Variants in NRIP1 observed in about 807,000 individuals in gnomAD.
NRIP1 encodes nuclear receptor-interacting protein 1.
NRIP1 carries 28 observed loss-of-function variants against 75.0 expected under a neutral mutation model. That is an observed-to-expected ratio of 0.37 (90% CI 0.28 to 0.51). NRIP1 has a LOEUF of 0.51. Among genes scored for constraint, NRIP1 ranks in the 20% least tolerant of loss-of-function variants. NRIP1 has a pLI of 0.92. For missense variants in NRIP1, 1,435 were observed against 1,343.7 expected (o/e 1.07, Z -1.06); for synonymous variants, 526 against 487.6 (o/e 1.08, Z -1.04).
At chr21:15,027,609 C>T (rs2088551534) in intron 2 of NRIP1, among the ~76,000 whole-genome samples, 1 of 152,184 alleles carries the variant, frequency 6.6e-6, no homozygotes, top group Non-Finnish European at 1.5e-5. Context: ...TCTACCACCA[C>T]TTTGGTCTCA....
intron 3 of NRIP1, among the ~76,000 whole-genome samples, chr21:14,970,056 A>C (rs767035262): frequency 3.3e-5 from 5 of 152,166 alleles, no homozygotes; most frequent in Admixed American, 6.5e-5. Context: ...TAAAACCCTG[A>C]CTTGTTTTTC....
At chr21:15,046,813 T>C (rs180998295) in intron 1 of NRIP1, among the ~76,000 whole-genome samples, 40 of 152,346 alleles carry the variant, frequency 2.6e-4, no homozygotes, top group African/African-American at 8.4e-4. Context: ...ACCTGCTTCA[T>C]CGTGCACTTT....
chr21:15,059,357 G>A (rs2089374993), intron 1 of NRIP1, among the ~76,000 whole-genome samples: 1 of 152,254 alleles, frequency 6.6e-6, no homozygotes, highest in East Asian at 1.9e-4. Context: ...ATTCCCTGAG[G>A]TGTAAGAAAT....
In NRIP1 at chr21:14,966,526, A is replaced by G; in HGVS notation, c.1667T>C (p.Leu556Ser). 6.2e-7 allele frequency: 1 copy of G among 1,614,090 alleles called. No homozygotes were observed. The highest frequency in any genetic ancestry group is 8.5e-7 in the Non-Finnish European group (1 of 1,179,976). ...AGACCCTGCTTTGCTTGATGTAAGT[A>G]AAGGTGGAGTGCTCACTGGAGTAGT... ...NRTTPVSTPP[L>S]LTSSKAGSPI... Residue 556 changes from leucine (L) to serine (S), a missense_variant, in exon 4 of 4, where the codon TTA becomes TCA. Transcript: ENST00000318948.
At chr21:15,055,563 A>C (rs1490672167) in intron 1 of NRIP1, among the ~76,000 whole-genome samples, 1 of 152,184 alleles carries the variant, frequency 6.6e-6, no homozygotes, top group Non-Finnish European at 1.5e-5. Flanking sequence ...TTCTCGTTTC[A>C]TGTCTCAAGA....
chr21:15,061,259 C>T (rs2089418212), intron 1 of NRIP1, among the ~76,000 whole-genome samples: 1 of 152,140 alleles, frequency 6.6e-6, no homozygotes, highest in African/African-American at 2.4e-5. Context: ...TTTTCCCAGT[C>T]TTCATCCGTG....
At chr21:15,023,860 C>G (rs1399372183) in intron 2 of NRIP1, among the ~76,000 whole-genome samples, 1 of 152,118 alleles carries the variant, frequency 6.6e-6, no homozygotes, top group Non-Finnish European at 1.5e-5. Flanking sequence ...AAATTGATTG[C>G]TGGAGAAGTA....
At chr21:15,024,248 C>T (rs1479105924) in intron 2 of NRIP1, among the ~76,000 whole-genome samples, 2 of 152,044 alleles carry the variant, frequency 1.3e-5, no homozygotes, top group Admixed American at 6.6e-5. Flanking sequence ...AAATACACTG[C>T]CAAAAACATT....
chr21:14,970,349 C>T (rs2086868651), intron 3 of NRIP1, among the ~76,000 whole-genome samples: 1 of 152,040 alleles, frequency 6.6e-6, no homozygotes, highest in South Asian at 2.1e-4. Context: ...AGTTTGAGAC[C>T]AACCTGACCA....
intron 1 of NRIP1, among the ~76,000 whole-genome samples, chr21:15,064,191 C>T (rs1002216068): frequency 1.3e-5 from 2 of 152,248 alleles, no homozygotes; most frequent in Non-Finnish European, 2.9e-5. Context: ...CCGTGAGCCT[C>T]GCCATCGGGA....
intron 1 of NRIP1, chr21:15,050,726 C>G: frequency 2.2e-6 from 1 of 456,024 alleles, no homozygotes; most frequent in Non-Finnish European, 4.4e-6. Flanking sequence ...GTTTTGACTC[C>G]TTTCTGGCTG....
intron 1 of NRIP1, among the ~76,000 whole-genome samples, chr21:15,054,339 C>T (rs2089263260): frequency 6.6e-6 from 1 of 152,130 alleles, no homozygotes; most frequent in Non-Finnish European, 1.5e-5. Flanking sequence ...AAGGAAACTG[C>T]CTAGTAGGCT....
chr21:14,999,667 A>C (rs1028749717), intron 3 of NRIP1, among the ~76,000 whole-genome samples: 2 of 152,188 alleles, frequency 1.3e-5, no homozygotes, highest in African/African-American at 4.8e-5. Flanking sequence ...CTCATCAGTT[A>C]AACGAACTCT....
At position 14,982,701 on chromosome 21, in the gene NRIP1, TTTTTTTG is replaced by T. The variant is rs869289951; in HGVS notation, c.-334-14182_-334-14176del. Among the ~76,000 whole-genome samples the T allele has an allele frequency of 1.2e-3, 96 of 77,606 alleles. No individual in the cohort carries two copies. The East Asian group carries it at 0.02, about 16-fold the overall frequency. 50.9% of individuals were successfully genotyped at this position (77,606 alleles called of 152,430 possible). A position where few individuals can be genotyped will look rare whatever the true frequency, so the allele number is the denominator to read the frequency against. On this transcript the variant is annotated intron_variant, in intron 3 of 3. Coordinates refer to ENST00000318948, the MANE Select transcript of NRIP1 (RefSeq NM_003489.4). ...TGTACTTTGCCATTATTGTGGGGTTTTTTTTTGTTTTTTTTTTGTTTTTTTTTTTTAC... is the reference window on the plus strand; with the variant it reads ...TGTACTTTGCCATTATTGTGGGGTTTTTTTTTTTTTGTTTTTTTTTTTTAC...
intron 3 of NRIP1, among the ~76,000 whole-genome samples, chr21:14,988,566 T>C (rs902314983): frequency 6.6e-6 from 1 of 152,044 alleles, no homozygotes; most frequent in Non-Finnish European, 1.5e-5. Context: ...CATTTGGATC[T>C]GTAAAATAAT....
chr21:15,014,564 C>T (rs1013730715), intron 2 of NRIP1, 98 bp from the exon 3 acceptor site: 12 of 397,380 alleles, frequency 3.0e-5, no homozygotes, highest in African/African-American at 2.5e-4. Context: ...TTTTCTTGTT[C>T]AAGTTCAATG....
chr21:15,000,133 T>C (rs970635871), intron 3 of NRIP1, among the ~76,000 whole-genome samples: 2 of 152,186 alleles, frequency 1.3e-5, no homozygotes, highest in African/African-American at 4.8e-5. Flanking sequence ...ACTCAGTCAT[T>C]TGAACTACTC....
intron 3 of NRIP1, among the ~76,000 whole-genome samples, chr21:14,973,809 C>G (rs1045248921): frequency 2.0e-5 from 3 of 149,998 alleles, no homozygotes; most frequent in Non-Finnish European, 4.4e-5. Flanking sequence ...CCCAAGCAGC[C>G]GGGAATACAG....
chr21:14,966,100 A>G lies in NRIP1; in HGVS notation c.2093T>C (p.Leu698Pro). 6.2e-7 allele frequency: 1 copy of G among 1,612,354 alleles called. No individual in the cohort carries two copies. Among genetic ancestry groups the G allele is most frequent in the Non-Finnish European group, 8.5e-7 (1 of 1,179,968 alleles). The change falls in exon 4 of 4, where the codon CTT (leucine) becomes CCT (proline). Residue 698 changes from leucine (L) to proline (P), a missense_variant. Leu to Pro is a moderately conservative substitution (Grantham distance 98, BLOSUM62 -3). Transcript: ENST00000318948. ...SSQPTGPEPG[L>P]SGSEIENLLE... is the part of the protein sequence containing the mutation. ...CAGATTTTCTATTTCAGAACCAGAAAGCCCTGGTTCAGGACCTGTTGGTTG... is the reference window on the plus strand; with the variant it reads ...CAGATTTTCTATTTCAGAACCAGAAGGCCCTGGTTCAGGACCTGTTGGTTG...
Sources: allele counts gnomAD v4.1 joint callset (sites outside exome capture counted in the v4.1 genomes callset), GRCh38; gene constraint gnomAD v4.1.1; transcripts MANE v1.5; gene names NCBI Gene and HGNC (gene_info 2026-07-23, HGNC 2026-07-21).